Variants in MBNL2 observed in about 807,000 individuals in gnomAD.
MBNL2 encodes muscleblind-like protein 2.
A neutral mutation model predicts 41.9 loss-of-function variants in MBNL2; 17 were observed. The observed-to-expected ratio is 0.41, with a 90% CI of 0.28 to 0.61. The LOEUF is 0.61. MBNL2 is among the 20% of genes least tolerant of loss of function. The pLI, the probability that MBNL2 is intolerant of heterozygous loss-of-function variation, is 0.35. For synonymous variants in MBNL2, 195 were observed against 182.9 expected (o/e 1.07, Z -0.53); for missense variants, 336 against 505.6 (o/e 0.66, Z 3.22).
the MBNL2 span, among the ~76,000 whole-genome samples, chr13:97,192,292 G>A: frequency 4.0e-4 from 61 of 152,090 alleles, 1 homozygote; most frequent in African/African-American, 7.2e-5. Flanking sequence ...CCACCCCTAC[G>A]TTTCTGTGTT....
Position 97,234,740 on chromosome 13 carries a change from A to G in MBNL2, c.-605+12209A>G, listed in dbSNP as rs144744836. Among the ~76,000 whole-genome samples the G allele has an allele frequency of 9.6e-3, 1,466 of 152,358 alleles. 9 individuals carry two copies. Among genetic ancestry groups the G allele is most frequent in the Non-Finnish European group, 0.016 (1,055 of 68,026 alleles). ...TAGATTGAGGTATTTCTTCACATCA[A>G]CCATTTGAATAACACACTCGGGCAG... On this transcript the variant is annotated intron_variant, in intron 1 of 8. Coordinates refer to ENST00000679496, the MANE Select transcript of MBNL2 (RefSeq NM_001382683.1).
At chr13:97,380,109 A>G (rs1204009512) in intron 8 of MBNL2, among the ~76,000 whole-genome samples, 2 of 152,188 alleles carry the variant, frequency 1.3e-5, no homozygotes, top group African/African-American at 4.8e-5. Flanking sequence ...TTCATAAGGT[A>G]AGGAACTGAG....
upstream of MBNL2, among the ~76,000 whole-genome samples, chr13:97,218,472 GA>G (rs752906423): frequency 1.6e-3 from 232 of 143,418 alleles, no homozygotes; most frequent in Non-Finnish European, 3.2e-3. Flanking sequence ...GAGGTCAAAA[GA>G]AAAGGATGGA....
chr13:97,352,782 C>T (rs2062618689), intron 5 of MBNL2, among the ~76,000 whole-genome samples: 2 of 152,212 alleles, frequency 1.3e-5, no homozygotes, highest in South Asian at 4.1e-4. Context: ...ACAACCTATG[C>T]CTGTACTTAT....
intron 1 of MBNL2, among the ~76,000 whole-genome samples, chr13:97,232,888 TGTGC>T (rs879588378): frequency 0.011 from 1,605 of 146,358 alleles, 11 homozygotes; most frequent in Middle Eastern, 0.025. Context: ...TGTGTGTGTG[TGTGC>T]GCACGTACAC....
intron 1 of MBNL2, among the ~76,000 whole-genome samples, chr13:97,233,145 A>ATC (rs2042667679): frequency 1.2e-5 from 1 of 81,828 alleles, no homozygotes; most frequent in Non-Finnish European, 2.4e-5. Flanking sequence ...ATATATATAT[A>ATC]TATATATATA....
At chr13:97,316,044 A>G (rs1046186778) in intron 2 of MBNL2, among the ~76,000 whole-genome samples, 8 of 152,270 alleles carry the variant, frequency 5.3e-5, no homozygotes, top group Admixed American at 2.0e-4. Flanking sequence ...CCTGGACCCA[A>G]CAGCCTGCTT....
chr13:97,391,403 AC>A lies in MBNL2; in HGVS notation c.1131del (p.Tyr378IlefsTer7). ...ATAACTAAACATTGTTACTGTACAT[AC>A]TATCCTGTTTCCTCCTCAATAGAAT... The part of the protein sequence containing the change: ...LRITKHCYCT[Y>X]YPVSSSIELP... On this transcript the variant is annotated frameshift_variant, in exon 9 of 9. Coordinates refer to ENST00000679496, the MANE Select transcript of MBNL2 (RefSeq NM_001382683.1). LOFTEE classifies it high-confidence loss of function. The A allele has an allele frequency of 6.4e-7, 1 of 1,570,416 alleles. No individual in the cohort carries two copies. Among genetic ancestry groups the A allele is most frequent in the Non-Finnish European group, 8.8e-7 (1 of 1,140,444 alleles).
chr13:97,205,182 T>A, the MBNL2 span, among the ~76,000 whole-genome samples: 20 of 133,176 alleles, frequency 1.5e-4, no homozygotes, highest in Non-Finnish European at 2.5e-4. Context: ...AAAAAAAAAA[T>A]TATATATATA....
intron 2 of MBNL2, among the ~76,000 whole-genome samples, chr13:97,330,278 T>A (rs1041069569): frequency 2.0e-5 from 3 of 152,134 alleles, no homozygotes; most frequent in African/African-American, 7.2e-5. Flanking sequence ...CATGAGCTGG[T>A]CCCTGGTGTG....
At chr13:97,182,490 C>T in the MBNL2 span, among the ~76,000 whole-genome samples, 1 of 152,150 alleles carries the variant, frequency 6.6e-6, no homozygotes, top group Admixed American at 6.5e-5. Flanking sequence ...ATTGGTGACA[C>T]TTATGCCATT....
the MBNL2 span, among the ~76,000 whole-genome samples, chr13:97,185,792 T>G: frequency 9.1e-4 from 138 of 152,360 alleles, no homozygotes; most frequent in Middle Eastern, 0.01. Context: ...CTTAAGCCAC[T>G]AGGCTTGTGT....
At chr13:97,291,917 A>AAAAAAAAAT (rs398070410) in intron 2 of MBNL2, among the ~76,000 whole-genome samples, 12 of 125,412 alleles carry the variant, frequency 9.6e-5, no homozygotes, top group African/African-American at 3.4e-4. Context: ...AAAAAAAAAA[A>AAAAAAAAAT]GTGGGCTGGG....
intron 8 of MBNL2, among the ~76,000 whole-genome samples, chr13:97,376,708 C>T (rs1420794478): frequency 6.6e-6 from 1 of 152,166 alleles, no homozygotes; most frequent in African/African-American, 2.4e-5. Context: ...TGATCACAGG[C>T]ACATCAGGCA....
At chr13:97,238,365 G>C (rs960770122) in intron 1 of MBNL2, among the ~76,000 whole-genome samples, 3 of 152,172 alleles carry the variant, frequency 2.0e-5, no homozygotes, top group African/African-American at 7.2e-5. Context: ...CCAAAGTGAA[G>C]AGCATTTCAT....
chr13:97,187,921 A>G, the MBNL2 span, among the ~76,000 whole-genome samples: 2 of 151,680 alleles, frequency 1.3e-5, no homozygotes, highest in Non-Finnish European at 2.9e-5. Context: ...AAAAAAAAAA[A>G]GAAACTGGCA....
At chr13:97,212,931 A>G in the MBNL2 span, among the ~76,000 whole-genome samples, 63 of 152,280 alleles carry the variant, frequency 4.1e-4, 1 homozygote, top group East Asian at 0.012. Flanking sequence ...ATAGGTCACT[A>G]GACAGCTACC....
chr13:97,212,971 G>C, the MBNL2 span, among the ~76,000 whole-genome samples: 1 of 152,098 alleles, frequency 6.6e-6, no homozygotes, highest in Non-Finnish European at 1.5e-5. Flanking sequence ...GAAAAACCCG[G>C]GCAAATCTTC....
chr13:97,199,246 C>T, the MBNL2 span, among the ~76,000 whole-genome samples: 1 of 152,126 alleles, frequency 6.6e-6, no homozygotes, highest in African/African-American at 2.4e-5. Context: ...CTGGCATCAC[C>T]TTGTTGGAAA....
Sources: allele counts gnomAD v4.1 joint callset (sites outside exome capture counted in the v4.1 genomes callset), GRCh38; gene constraint gnomAD v4.1.1; transcripts MANE v1.5; gene names NCBI Gene and HGNC (gene_info 2026-07-23, HGNC 2026-07-21).